Variants in CAD observed in about 807,000 individuals in gnomAD.
The protein encoded by CAD is carbamoyl-phosphate synthetase 2, aspartate transcarbamylase, and dihydroorotase.
A neutral mutation model predicts 237.2 loss-of-function variants in CAD; 81 were observed. That is an observed-to-expected ratio of 0.34 (90% CI 0.29 to 0.41). The LOEUF (loss-of-function observed/expected upper bound fraction) is 0.41. Among genes scored for constraint, CAD ranks in the 10% least tolerant of loss-of-function variants. The pLI is 1.00. For missense variants in CAD, 2,181 were observed against 2,951.7 expected (o/e 0.74, Z 6.05); for synonymous variants, 1,196 against 1,162.8 (o/e 1.03, Z -0.58).
chr2:27,225,307 T>TTC, intron 11 of CAD, 64 bp downstream of exon 11: 3 of 825,646 alleles, frequency 3.6e-6, no homozygotes, highest in Admixed American at 6.1e-5. Flanking sequence ...TATTTTCTTT[T>TTC]TTTTTTTTTT....
In CAD at chr2:27,242,813, T is replaced by G. The variant is rs1676385934; in HGVS notation, c.6378+38T>G. ...CAGCCCTGCCTGGAAGCCATGGAGA[T>G]GTGGGTTGGGCAGTCAGAGCCCAGC... On this transcript the variant is annotated intron_variant, in intron 41 of 43. Transcript: ENST00000264705. This position sits in a 1 kb window ranked among gnomAD's most constrained non-coding sequence, Gnocchi z 6.4. 2 of 1,613,952 alleles carry G rather than the reference T, an allele frequency of 1.2e-6. No individual in the cohort carries two copies. Among genetic ancestry groups the G allele is most frequent in the South Asian group, 2.2e-5 (2 of 91,086 alleles).
chr2:27,229,217 C>T (rs899304212), intron 15 of CAD, among the ~76,000 whole-genome samples: 2 of 151,926 alleles, frequency 1.3e-5, no homozygotes, highest in South Asian at 2.1e-4. Flanking sequence ...CATGCCCGGC[C>T]GACCCTGTCT....
intron 6 of CAD, 122 bp from the exon 7 acceptor site, chr2:27,223,441 A>AG: frequency 1.0e-6 from 1 of 970,366 alleles, no homozygotes; most frequent in East Asian, 2.4e-5. Context: ...AAAAAAAAAA[A>AG]AAAAACAAAA....
rs770867447 is a variant in CAD at position 27,242,060 on chromosome 2, G to T, written c.6033G>T (p.Val2011=). 2 of 1,613,338 alleles carry T rather than the reference G, an allele frequency of 1.2e-6. No individual in the cohort carries two copies. Residue 2011 remains valine (V), a synonymous_variant, in exon 39 of 44, where the codon GTG becomes GTT. Transcript: ENST00000264705. The surrounding 1 kb of genome is among the most constrained non-coding windows in gnomAD (Gnocchi z 6.4). ...AGGGCGAATCCCTGGCTGACTCCGT[G>T]CAGACCATGAGCTGCTATGCCGACG... ...VQKGESLADS[V]QTMSCYADVV...
In CAD at chr2:27,217,490, C is replaced by T. The variant is rs906864401; in HGVS notation, c.-62C>T. 5.8e-6 allele frequency: 8 copies of T among 1,377,974 alleles called. No homozygotes were observed. The highest frequency in any genetic ancestry group is 1.2e-5 in the South Asian group (1 of 81,180). The allele number at this position is 1,377,974 out of a possible 1,614,324, so 85.4% of individuals were successfully genotyped here. A position where few individuals can be genotyped will look rare whatever the true frequency, so the allele number is the denominator to read the frequency against. ...CCGGCGCGCCGTCCTCACGTGGTTC[C>T]AGTGGAGTTTGCAGTCCTTCCCGCT... is the stretch of plus-strand genomic sequence containing the variant. On this transcript the variant is annotated 5_prime_UTR_variant, in exon 1 of 44. Transcript: ENST00000264705.
Position 27,236,256 on chromosome 2 carries a change from G to T in CAD, c.4075-28G>T. ...CTTCCTGACCGCTGCCAGACAGCTTGGCCCTGACCTTGACTCCGGGTTGGC... is the reference window on the plus strand; with the variant it reads ...CTTCCTGACCGCTGCCAGACAGCTTTGCCCTGACCTTGACTCCGGGTTGGC... On this transcript the variant is annotated intron_variant, in intron 25 of 43. Transcript: ENST00000264705. The surrounding 1 kb of genome is among the most constrained non-coding windows in gnomAD (Gnocchi z 4.1). 1.2e-6 allele frequency: 2 copies of T among 1,609,668 alleles called. No homozygotes were observed. The highest frequency in any genetic ancestry group is 1.1e-5 in the South Asian group (1 of 90,850).
chr2:27,228,354 C>T (rs1403444465), intron 15 of CAD, among the ~76,000 whole-genome samples: 1 of 152,206 alleles, frequency 6.6e-6, no homozygotes, highest in African/African-American at 2.4e-5. Context: ...TCGTACTCAT[C>T]AAGGGCTATA....
At position 27,234,556 on chromosome 2, in the gene CAD, C is replaced by CA; in HGVS notation, c.3657_3658insA (p.Ser1220IlefsTer56). 1 of 1,614,044 alleles carries CA rather than the reference C, an allele frequency of 6.2e-7. No individual in the cohort carries two copies. The highest frequency in any genetic ancestry group is 8.5e-7 in the Non-Finnish European group (1 of 1,179,922). ...AAGTTATTGAATGCAACGTACGTGT[C>CA]TCTCGCTCCTTCCCCTTCGTTTCCA... is the stretch of plus-strand genomic sequence containing the variant. On this transcript the variant is annotated frameshift_variant, in exon 23 of 44. Transcript: ENST00000264705. LOFTEE classifies it high-confidence loss of function.
chr2:27,217,411 T>G lies in CAD; in HGVS notation c.-141T>G. On this transcript the variant is annotated 5_prime_UTR_variant, in exon 1 of 44. Coordinates refer to ENST00000264705, the MANE Select transcript of CAD (RefSeq NM_004341.5). ...CCAAGCGCGCCCGAGGCTCCTACGC[T>G]GCCGCGCCCGGCTTCTCTCCAGCGC... 1 of 759,520 alleles carries G rather than the reference T, an allele frequency of 1.3e-6. No individual in the cohort carries two copies. Among genetic ancestry groups the G allele is most frequent in the Non-Finnish European group, 2.3e-6 (1 of 438,578 alleles). The allele number at this position is 759,520 out of a possible 1,614,324, so 47.0% of individuals were successfully genotyped here.
At chr2:27,227,519 T>TA (rs1412445409) in intron 15 of CAD, 2 of 152,456 alleles carry the variant, frequency 1.3e-5, no homozygotes, top group African/African-American at 4.8e-5. Context: ...TTTAGAGCAG[T>TA]AGTGGCCTTT....
At chr2:27,225,353 C>CTGGA (rs1455138256) in intron 11 of CAD, 110 bp downstream of exon 11, 37 of 644,348 alleles carry the variant, frequency 5.7e-5, no homozygotes, top group Middle Eastern at 4.3e-4. Context: ...GTTGCGCAGG[C>CTGGA]TGGAGTACAG....
chr2:27,218,882 C>T (rs1020733091), intron 2 of CAD, among the ~76,000 whole-genome samples: 3 of 152,202 alleles, frequency 2.0e-5, no homozygotes, highest in African/African-American at 7.2e-5. Flanking sequence ...TTTGCCTTCC[C>T]AGCCACCCTG....
At chr2:27,224,534 A>C in intron 9 of CAD, 44 bp downstream of exon 9, 7 of 1,602,266 alleles carry the variant, frequency 4.4e-6, no homozygotes, top group Non-Finnish European at 6.0e-6. Context: ...GTGACCCTCA[A>C]GAATGGAAAG....
intron 2 of CAD, among the ~76,000 whole-genome samples, chr2:27,220,741 A>G (rs1426347319): frequency 6.6e-6 from 1 of 152,006 alleles, no homozygotes; most frequent in African/African-American, 2.4e-5. Context: ...GCAGATCACA[A>G]GGTCAGGAGA....
chr2:27,241,853 TG>T lies in CAD; in HGVS notation c.5884-54del. On this transcript the variant is annotated intron_variant, in intron 38 of 43. Coordinates refer to ENST00000264705, the MANE Select transcript of CAD (RefSeq NM_004341.5). The surrounding 1 kb of genome is among the most constrained non-coding windows in gnomAD (Gnocchi z 4.6). ...GTCAGTTGGGGTGGTGGTGCCTAGC[TG>T]GGGTTTCCCCAGGGTGGACACGCAT... The T allele has an allele frequency of 1.4e-6, 2 of 1,444,800 alleles. No homozygotes were observed. Among genetic ancestry groups the T allele is most frequent in the Non-Finnish European group, 9.6e-7 (1 of 1,036,660 alleles). 89.5% of individuals were successfully genotyped at this position (1,444,800 alleles called of 1,614,324 possible).
intron 16 of CAD, 77 bp downstream of exon 16, chr2:27,231,657 AC>A: frequency 1.2e-6 from 1 of 861,960 alleles, no homozygotes; most frequent in Admixed American, 2.1e-5. Context: ...TGAGCTTGTT[AC>A]CAGTAACACT....
At position 27,225,026 on chromosome 2, in the gene CAD, G is replaced by T; in HGVS notation, c.1403G>T (p.Arg468Leu). Residue 468 changes from arginine to leucine, a missense_variant, in exon 11 of 44, where the codon CGC (arginine) becomes CTC (leucine). Coordinates refer to ENST00000264705, the MANE Select transcript of CAD (RefSeq NM_004341.5). ...CATCCTCAGGTGATACGTAATGAAC[G>T]CCCCGATGGTGTGTTACTGACTTTT... ...HYVTQVIRNE[R>L]PDGVLLTFGG... The T allele has an allele frequency of 6.2e-7, 1 of 1,609,616 alleles. No individual in the cohort carries two copies. Among genetic ancestry groups the T allele is most frequent in the Non-Finnish European group, 8.5e-7 (1 of 1,176,264 alleles).
At chr2:27,225,589 G>T in intron 11 of CAD, 116 bp from the exon 12 acceptor site, 1 of 787,996 alleles carries the variant, frequency 1.3e-6, no homozygotes, top group Non-Finnish European at 2.1e-6. Flanking sequence ...TGGGGTTACA[G>T]GCGTGAGCCA....
chr2:27,224,757 C>T lies in CAD; in HGVS notation c.1267C>T (p.Leu423=), dbSNP rs1402273246. ...DYSGSQAIKA[L]KEENIQTLLI... is the part of the protein sequence containing the mutation. ...CTTGTCCTTTTAGGCAATTAAGGCC[C>T]TGAAGGAGGAAAACATCCAGACGTT... The change falls in exon 10 of 44, where the codon CTG becomes TTG. Residue 423 remains leucine, a synonymous_variant. Coordinates refer to ENST00000264705, the MANE Select transcript of CAD (RefSeq NM_004341.5). The T allele has an allele frequency of 1.2e-6, 2 of 1,614,106 alleles. No individual in the cohort carries two copies. Among genetic ancestry groups the T allele is most frequent in the African/African-American group, 1.3e-5 (1 of 74,936 alleles).
Sources: allele counts gnomAD v4.1 joint callset (sites outside exome capture counted in the v4.1 genomes callset), GRCh38; gene constraint gnomAD v4.1.1; non-coding constraint Gnocchi (gnomAD v3.1); transcripts MANE v1.5; gene names NCBI Gene and HGNC (gene_info 2026-07-23, HGNC 2026-07-21).